Variants in LINGO2 observed in about 807,000 individuals in gnomAD.
LINGO2 encodes the protein leucine-rich repeat and immunoglobulin-like domain-containing nogo receptor-interacting protein 2.
In LINGO2, 14 loss-of-function variants were observed where a neutral mutation model predicts 30.6. The ratio of observed to expected loss-of-function variants is 0.46; its 90% CI spans 0.30 to 0.72. The LOEUF (loss-of-function observed/expected upper bound fraction) is 0.72, where lower values mean the gene tolerates loss of function less well. Ranked by LOEUF, LINGO2 falls within the 30% of genes least tolerant of loss-of-function variation. The pLI is 0.07. For synonymous variants in LINGO2, 317 were observed against 288.5 expected (o/e 1.10, Z -1.00); for missense variants, 729 against 751.7 (o/e 0.97, Z 0.35).
At chr9:28,196,935 A>G (rs1053264846) in intron 4 of LINGO2, among the ~76,000 whole-genome samples, 7 of 151,956 alleles carry the variant, frequency 4.6e-5, no homozygotes, top group African/African-American at 1.7e-4. Flanking sequence ...GGAGATGATT[A>G]ATGGGTACAA....
At chr9:28,305,934 T>C (rs999144787) in intron 3 of LINGO2, among the ~76,000 whole-genome samples, 42 of 152,058 alleles carry the variant, frequency 2.8e-4, no homozygotes, top group African/African-American at 1.0e-3. Flanking sequence ...GCTTTGAGAA[T>C]TTAAAAGATC....
intron 2 of LINGO2, among the ~76,000 whole-genome samples, chr9:28,445,443 A>C (rs903311096): frequency 5.3e-5 from 8 of 152,212 alleles, no homozygotes; most frequent in Non-Finnish European, 1.2e-4. Flanking sequence ...CTCTCTTGGA[A>C]AAGGAATGAG....
chr9:28,489,061 A>G (rs1467108988), intron 1 of LINGO2, among the ~76,000 whole-genome samples: 1 of 152,224 alleles, frequency 6.6e-6, no homozygotes, highest in Non-Finnish European at 1.5e-5. Context: ...GAATCAAAAA[A>G]GCTTATATTC....
intron 1 of LINGO2, among the ~76,000 whole-genome samples, chr9:28,583,443 T>C (rs1824365590): frequency 6.6e-6 from 1 of 151,992 alleles, no homozygotes; most frequent in Admixed American, 6.6e-5. Flanking sequence ...GTTATCATAC[T>C]TCAGAAAAAC....
the LINGO2 span, among the ~76,000 whole-genome samples, chr9:28,959,207 T>G: frequency 1.2e-5 from 1 of 86,008 alleles, no homozygotes; most frequent in Non-Finnish European, 3.1e-5. Context: ...CCTATGAGAC[T>G]GAGGGTAGAG....
chr9:28,034,512 A>G (rs1823837429), intron 4 of LINGO2, among the ~76,000 whole-genome samples: 1 of 152,182 alleles, frequency 6.6e-6, no homozygotes. Flanking sequence ...CCAGAATTTC[A>G]GCAACTCACA....
At chr9:27,986,860 C>A (rs972980661) in intron 5 of LINGO2, among the ~76,000 whole-genome samples, 9 of 151,872 alleles carry the variant, frequency 5.9e-5, no homozygotes, top group African/African-American at 1.9e-4. Context: ...TACATGGTAT[C>A]TTTTTGGGGA....
At chr9:28,315,675 A>G (rs1824817905) in intron 3 of LINGO2, among the ~76,000 whole-genome samples, 1 of 152,176 alleles carries the variant, frequency 6.6e-6, no homozygotes. Flanking sequence ...AGATCATTTC[A>G]TCAGTGGGAT....
chr9:29,072,195 A>G, the LINGO2 span, among the ~76,000 whole-genome samples: 1 of 152,126 alleles, frequency 6.6e-6, no homozygotes, highest in Non-Finnish European at 1.5e-5. Flanking sequence ...TACATAAGTT[A>G]ATAATTGCAA....
intron 5 of LINGO2, among the ~76,000 whole-genome samples, chr9:27,962,234 C>A (rs547331651): frequency 1.3e-5 from 2 of 150,946 alleles, no homozygotes; most frequent in South Asian, 4.4e-4. Context: ...AGAGTACTGT[C>A]TTATTTGGCA....
intron 1 of LINGO2, among the ~76,000 whole-genome samples, chr9:28,616,799 T>G (rs1826149699): frequency 1.3e-5 from 2 of 152,192 alleles, no homozygotes; most frequent in African/African-American, 4.8e-5. Flanking sequence ...CATGAAAGAT[T>G]TTTTCCAATG....
chr9:27,987,976 G>A (rs1265641383), intron 5 of LINGO2, among the ~76,000 whole-genome samples: 2 of 151,916 alleles, frequency 1.3e-5, no homozygotes, highest in African/African-American at 2.4e-5. Flanking sequence ...TATATTAGGT[G>A]TATCTCCTAA....
the LINGO2 span, among the ~76,000 whole-genome samples, chr9:28,788,263 G>A: frequency 6.6e-6 from 1 of 152,150 alleles, no homozygotes; most frequent in Non-Finnish European, 1.5e-5. Context: ...TAAAGCTAAA[G>A]TCTATGACTA....
At chr9:28,088,879 G>A (rs4500172) in intron 4 of LINGO2, among the ~76,000 whole-genome samples, 29,294 of 151,904 alleles carry the variant, frequency 0.19, 3,242 homozygotes, top group East Asian at 0.4. Flanking sequence ...GATCTACCAA[G>A]CAAATGGAAA....
chr9:29,071,217 G>A, the LINGO2 span, among the ~76,000 whole-genome samples: 8 of 135,156 alleles, frequency 5.9e-5, no homozygotes, highest in East Asian at 1.6e-3. Context: ...TAGAGACAGG[G>A]TTTCATACTG....
chr9:28,560,517 T>C (rs918104153), intron 1 of LINGO2, among the ~76,000 whole-genome samples: 2 of 152,142 alleles, frequency 1.3e-5, no homozygotes, highest in Admixed American at 6.5e-5. Flanking sequence ...TAAGTCATCT[T>C]CTATATACGT....
At chr9:28,758,833 C>A in the LINGO2 span, among the ~76,000 whole-genome samples, 49 of 152,086 alleles carry the variant, frequency 3.2e-4, 1 homozygote, top group South Asian at 9.1e-3. Context: ...TATGTAATAA[C>A]GATAACTTAC....
At chr9:28,060,439 A>C (rs1419209819) in intron 4 of LINGO2, among the ~76,000 whole-genome samples, 1 of 152,168 alleles carries the variant, frequency 6.6e-6, no homozygotes, top group African/African-American at 2.4e-5. Context: ...CATATTATTT[A>C]TACATTTAAT....
the LINGO2 span, among the ~76,000 whole-genome samples, chr9:28,864,952 A>C: frequency 6.6e-6 from 1 of 152,120 alleles, no homozygotes; most frequent in South Asian, 2.1e-4. Flanking sequence ...AGGTGTTATG[A>C]AAAGTTTCCA....
Sources: gnomAD v4.1 joint callset for allele counts (sites outside exome capture counted in the v4.1 genomes callset) on GRCh38, gnomAD v4.1.1 for gene constraint, MANE v1.5 for transcripts, NCBI Gene and HGNC (gene_info 2026-07-23, HGNC 2026-07-21) for gene names.